COL23A1: variants seen among roughly 807,000 people sequenced by gnomAD.
The protein encoded by COL23A1 is collagen alpha-1(XXIII) chain.
In COL23A1, 97 loss-of-function variants were observed where a neutral mutation model predicts 99.3. The observed-to-expected ratio is 0.98, with a 90% CI of 0.83 to 1.16. COL23A1 has a LOEUF of 1.16. COL23A1 is among the 50% of genes most tolerant of loss of function. The pLI, the probability that COL23A1 is intolerant of heterozygous loss-of-function variation, is 0.00. For missense variants in COL23A1, 762 were observed against 757.4 expected, an observed-to-expected ratio of 1.01 and a Z score of -0.07; for synonymous variants, 320 against 308.2, an observed-to-expected ratio of 1.04 and a Z score of -0.40.
chr5:178,238,541 A>C lies in COL23A1; in HGVS notation c.*157T>G, dbSNP rs1052727370. On this transcript the variant is annotated 3_prime_UTR_variant, in exon 29 of 29. Transcript: ENST00000390654. ...CCTGTCCACTTTCCGGCAGCTTCAC[A>C]TGCCGGTGGCTTTGGGGCTGGGTGG... 7.3e-6 allele frequency: 7 copies of C among 962,874 alleles called. No individual in the cohort carries two copies. The highest frequency in any genetic ancestry group is 1.1e-5 in the Non-Finnish European group (7 of 629,054). 59.6% of individuals were successfully genotyped at this position (962,874 alleles called of 1,614,324 possible). A position where few individuals can be genotyped will look rare whatever the true frequency, so the allele number is the denominator to read the frequency against.
rs1011545110 is a variant in COL23A1 at position 178,544,492 on chromosome 5, C to A, written c.361+16190G>T. Among the ~76,000 whole-genome samples the A allele has an allele frequency of 6.6e-6, 1 of 152,214 alleles. No homozygotes were observed. Among genetic ancestry groups the A allele is most frequent in the Non-Finnish European group, 1.5e-5 (1 of 68,046 alleles). ...AGATGGGGTCCCCTGTTCTCTCCAC[C>A]TGCCCCAGAAAACAGCAAGACCGGT... On this transcript the variant is annotated intron_variant, in intron 2 of 28. Coordinates refer to ENST00000390654, the MANE Select transcript of COL23A1 (RefSeq NM_173465.4). This position sits in a 1 kb window ranked among gnomAD's most constrained non-coding sequence, Gnocchi z 4.4.
chr5:178,349,255 C>A (rs1761166248), intron 2 of COL23A1, among the ~76,000 whole-genome samples: 1 of 152,128 alleles, frequency 6.6e-6, no homozygotes, highest in African/African-American at 2.4e-5. Flanking sequence ...AACAGGGGCA[C>A]AGGCAGCTGG....
intron 16 of COL23A1, 110 bp downstream of exon 16, chr5:178,254,839 T>C (rs1395240136): frequency 3.2e-6 from 3 of 931,872 alleles, no homozygotes; most frequent in Non-Finnish European, 5.1e-6. Context: ...TGTGCTAAGC[T>C]GCCTCTGGTC....
chr5:178,336,996 A>G (rs990524027), intron 2 of COL23A1, among the ~76,000 whole-genome samples: 1 of 146,832 alleles, frequency 6.8e-6, no homozygotes. Context: ...TCCTCCCCGG[A>G]GCCAGCGAGC....
intron 1 of COL23A1, among the ~76,000 whole-genome samples, chr5:178,582,398 T>C (rs958820350): frequency 2.0e-4 from 30 of 151,910 alleles, no homozygotes; most frequent in African/African-American, 7.2e-4. Flanking sequence ...CTGTGAAGGA[T>C]CTCCACCTCC....
In COL23A1 at chr5:178,255,409, C is replaced by T. The variant is rs570469540; in HGVS notation, c.883-383G>A. Reference sequence around the variant, plus strand: ...ACATGAGCAGGCTGGATCTGGCCCCCGTGCCTCCATTTCCCAGCCTCTGGG... The same window carrying T: ...ACATGAGCAGGCTGGATCTGGCCCCTGTGCCTCCATTTCCCAGCCTCTGGG... On this transcript the variant is annotated intron_variant, in intron 15 of 28. Transcript: ENST00000390654. The surrounding 1 kb of genome is among the most constrained non-coding windows in gnomAD (Gnocchi z 4.2). 2.4e-4 allele frequency among the ~76,000 whole-genome samples: 36 copies of T among 152,328 alleles called. No homozygotes were observed. The highest frequency in any genetic ancestry group is 7.5e-4 in the African/African-American group (31 of 41,584).
chr5:178,259,057 T>C (rs1380415077), intron 12 of COL23A1, among the ~76,000 whole-genome samples: 1 of 151,946 alleles, frequency 6.6e-6, no homozygotes. Flanking sequence ...GCTGGGATTA[T>C]AGGTGCCTGT....
chr5:178,557,586 C>G (rs1433537990), intron 2 of COL23A1, among the ~76,000 whole-genome samples: 3 of 152,176 alleles, frequency 2.0e-5, no homozygotes, highest in Non-Finnish European at 4.4e-5. Flanking sequence ...CCTTATCTGC[C>G]TGCTGCATGC....
intron 2 of COL23A1, among the ~76,000 whole-genome samples, chr5:178,460,248 C>T (rs1756042584): frequency 6.6e-6 from 1 of 152,140 alleles, no homozygotes; most frequent in Non-Finnish European, 1.5e-5. Flanking sequence ...AGACCTACTA[C>T]AGAAGCACCT....
chr5:178,509,876 A>G (rs962973397), intron 2 of COL23A1, among the ~76,000 whole-genome samples: 1 of 152,122 alleles, frequency 6.6e-6, no homozygotes, highest in Admixed American at 6.5e-5. Flanking sequence ...TACTATTTAA[A>G]CCATAAATCA....
At position 178,526,039 on chromosome 5, in the gene COL23A1, C is replaced by T. The variant is rs546216564; in HGVS notation, c.361+34643G>A. Among the ~76,000 whole-genome samples, 6 of 152,328 alleles carry T rather than the reference C, an allele frequency of 3.9e-5. No homozygotes were observed. In the East Asian group the frequency reaches 7.7e-4, roughly 20 times the overall value. On this transcript the variant is annotated intron_variant, in intron 2 of 28. Coordinates refer to ENST00000390654, the MANE Select transcript of COL23A1 (RefSeq NM_173465.4). ...ACTGCACAGGCAGGCCCAGCGGAGG[C>T]GAGTGTCCTCGGAGTGCTGGGAAGG...
intron 2 of COL23A1, among the ~76,000 whole-genome samples, chr5:178,455,477 T>G (rs924949008): frequency 6.6e-6 from 1 of 151,822 alleles, no homozygotes; most frequent in Non-Finnish European, 1.5e-5. Flanking sequence ...GTAAAGAGAG[T>G]AATAACAACA....
Position 178,400,603 on chromosome 5 carries a change from G to A in COL23A1, c.362-93684C>T, listed in dbSNP as rs536180142. Among the ~76,000 whole-genome samples, 12 of 151,918 alleles carry A rather than the reference G, an allele frequency of 7.9e-5. No individual in the cohort carries two copies. In the East Asian group the frequency reaches 2.3e-3, roughly 29 times the overall value. ...TAAGTGTACAATTCAATGACATTAA[G>A]TACATTCACAACGGTGTGCAACCAT... On this transcript the variant is annotated intron_variant, in intron 2 of 28. Coordinates refer to ENST00000390654, the MANE Select transcript of COL23A1 (RefSeq NM_173465.4).
intron 2 of COL23A1, among the ~76,000 whole-genome samples, chr5:178,511,313 G>A (rs777173346): frequency 6.6e-6 from 1 of 152,124 alleles, no homozygotes; most frequent in Non-Finnish European, 1.5e-5. Flanking sequence ...TTTGAATTAA[G>A]AGCCCAGGTC....
At chr5:178,303,131 C>T (rs1011274196) in intron 3 of COL23A1, among the ~76,000 whole-genome samples, 1 of 152,188 alleles carries the variant, frequency 6.6e-6, no homozygotes, top group Non-Finnish European at 1.5e-5. Flanking sequence ...CTCTGAGTAG[C>T]TGGGACTACA....
rs975013713 is a variant in COL23A1 at position 178,405,028 on chromosome 5, C to T, written c.362-98109G>A. Among the ~76,000 whole-genome samples, 3 of 152,248 alleles carry T rather than the reference C, an allele frequency of 2.0e-5. No individual in the cohort carries two copies. In the East Asian group the frequency reaches 5.8e-4, roughly 29 times the overall value. ...AATGACATCCCCATACCAGGTGCCCCTGCCGCCATGATCCCTCCTCAGGCT... is the reference window on the plus strand; with the variant it reads ...AATGACATCCCCATACCAGGTGCCCTTGCCGCCATGATCCCTCCTCAGGCT... On this transcript the variant is annotated intron_variant, in intron 2 of 28. Coordinates refer to ENST00000390654, the MANE Select transcript of COL23A1 (RefSeq NM_173465.4).
intron 12 of COL23A1, 72 bp downstream of exon 12, chr5:178,259,649 T>C: frequency 8.5e-7 from 1 of 1,174,222 alleles, no homozygotes; most frequent in Non-Finnish European, 1.2e-6. Flanking sequence ...CCCCATTCCG[T>C]CCCAGCCCCT....
At chr5:178,515,131 G>A (rs1000437967) in intron 2 of COL23A1, among the ~76,000 whole-genome samples, 15 of 152,242 alleles carry the variant, frequency 9.9e-5, no homozygotes, top group African/African-American at 3.6e-4. Flanking sequence ...CAGATGGGGA[G>A]GAGGGCACTG....
At chr5:178,571,876 T>C (rs963293699) in intron 1 of COL23A1, among the ~76,000 whole-genome samples, 6 of 152,124 alleles carry the variant, frequency 3.9e-5, no homozygotes, top group African/African-American at 1.4e-4. Flanking sequence ...GAGACCATCC[T>C]GGCTAACACG....
Sources: allele counts gnomAD v4.1 joint callset (sites outside exome capture counted in the v4.1 genomes callset), GRCh38; gene constraint gnomAD v4.1.1; non-coding constraint Gnocchi (gnomAD v3.1); transcripts MANE v1.5; gene names NCBI Gene and HGNC (gene_info 2026-07-23, HGNC 2026-07-21).